The following TRPV1 variants were observed in gnomAD, a reference collection of about 807,000 sequenced individuals.
TRPV1 encodes transient receptor potential cation channel subfamily V member 1.
A neutral mutation model predicts 82.3 loss-of-function variants in TRPV1; 82 were observed. That is an observed-to-expected ratio of 1.00 (90% confidence interval 0.83 to 1.20). The LOEUF (loss-of-function observed/expected upper bound fraction) is 1.20. Among genes scored for constraint, TRPV1 ranks in the 50% most tolerant of loss-of-function variants. The pLI, the probability that TRPV1 is intolerant of heterozygous loss-of-function variation, is 0.00. For missense variants in TRPV1, 1,067 were observed against 1,096.8 expected (o/e 0.97, Z 0.38); for synonymous variants, 515 against 467.7 (o/e 1.10, Z -1.30).
chr17:3,583,450 T>C lies in TRPV1; in HGVS notation c.1384-20A>G, dbSNP rs889066037. 5.1e-6 allele frequency: 8 copies of C among 1,564,260 alleles called. No homozygotes were observed. The South Asian group carries it at 9.3e-5, about 18-fold the overall frequency. ...GGGAGGCTGTGAGATGCAGAGAAGT[T>C]GGTAACTCCATTTACTCATTCGTTC... On this transcript the variant is annotated intron_variant, in intron 9 of 16. Coordinates refer to ENST00000572705, the MANE Select transcript of TRPV1 (RefSeq NM_080704.4).
At chr17:3,581,687 C>T (rs2075013322) in intron 10 of TRPV1, among the ~76,000 whole-genome samples, 1 of 150,000 alleles carries the variant, frequency 6.7e-6, no homozygotes, top group South Asian at 2.1e-4. Context: ...GAGACCGAGA[C>T]CATCCTGGTT....
chr17:3,583,110 T>G (rs898737966), intron 10 of TRPV1, among the ~76,000 whole-genome samples: 1 of 151,666 alleles, frequency 6.6e-6, no homozygotes, highest in Admixed American at 6.6e-5. Context: ...GTGGCTGGAG[T>G]GTCTACTTTC....
chr17:3,583,328 G>C lies in TRPV1; in HGVS notation c.1476+10C>G, dbSNP rs200977307. The C allele has an allele frequency of 6.2e-7, 1 of 1,600,844 alleles. No individual in the cohort carries two copies. Among genetic ancestry groups the C allele is most frequent in the East Asian group, 2.2e-5 (1 of 44,548 alleles). On this transcript the variant is annotated intron_variant, in intron 10 of 16. Transcript: ENST00000572705. ...TAATGGAAACTCACAATGTGGGAAG[G>C]AACGCTTACCCCTCGGAAAAAGAAG...
chr17:3,590,491 G>A lies in TRPV1; in HGVS notation c.605-99C>T, dbSNP rs531584909. On this transcript the variant is annotated intron_variant, in intron 5 of 16. Coordinates refer to ENST00000572705, the MANE Select transcript of TRPV1 (RefSeq NM_080704.4). The stretch of plus-strand genomic sequence containing the variant: ...CTCTGGGCAGGCAGCAGCTGCTGCA[G>A]GAGGAACTGGGCAGAAAGTGCCTGG... The A allele has an allele frequency of 7.9e-6, 12 of 1,510,688 alleles. No individual in the cohort carries two copies. The South Asian group carries it at 1.1e-4, about 14-fold the overall frequency. The allele number at this position is 1,510,688 out of a possible 1,614,324, so 93.6% of individuals were successfully genotyped here.
At chr17:3,579,784 T>C (rs1313275094) in intron 11 of TRPV1, among the ~76,000 whole-genome samples, 1 of 152,190 alleles carries the variant, frequency 6.6e-6, no homozygotes, top group African/African-American at 2.4e-5. Flanking sequence ...CCATCCAAAC[T>C]GTTCTATAAC....
intron 16 of TRPV1, among the ~76,000 whole-genome samples, chr17:3,568,227 C>T (rs1381388210): frequency 1.3e-5 from 2 of 150,740 alleles, no homozygotes; most frequent in Admixed American, 1.3e-4. Flanking sequence ...GAGGCTGAAG[C>T]AGGAGAATGG....
At chr17:3,585,642 TC>T in intron 9 of TRPV1, 125 bp downstream of exon 9, 2 of 1,211,940 alleles carry the variant, frequency 1.7e-6, no homozygotes, top group Admixed American at 2.4e-5. Flanking sequence ...CATCCATCGC[TC>T]CCGCAAGCTG....
At chr17:3,606,771 G>A (rs1189494080) in intron 2 of TRPV1, among the ~76,000 whole-genome samples, 1 of 152,152 alleles carries the variant, frequency 6.6e-6, no homozygotes, top group African/African-American at 2.4e-5. Context: ...GAGGCAGAGT[G>A]AATGCATAGT....
intron 9 of TRPV1, chr17:3,585,556 C>T (rs2075073234): frequency 1.6e-5 from 9 of 575,264 alleles, no homozygotes; most frequent in Admixed American, 6.2e-5. Flanking sequence ...AACTGAGAAG[C>T]GGGAAGGGGG....
At position 3,585,825 on chromosome 17, in the gene TRPV1, G is replaced by C. The variant is rs1268289948; in HGVS notation, c.1326C>G (p.Tyr442Ter). ...TGGTGAAGATGATCATGTACAGGCAGTAGACCAGGAAGTTGAAGTAGAAGA... is the reference window on the plus strand; with the variant it reads ...TGGTGAAGATGATCATGTACAGGCACTAGACCAGGAAGTTGAAGTAGAAGA... ...KRIFYFNFLVYCLYMIIFTMA... is the reference protein window; with the variant it reads ...KRIFYFNFLV The change falls in exon 9 of 17, where the codon TAC becomes TAG. Residue 442 changes from tyrosine (Y) to a stop codon, truncating the protein, a stop_gained. Transcript: ENST00000572705. LOFTEE classifies it high-confidence loss of function. 1 of 1,613,930 alleles carries C rather than the reference G, an allele frequency of 6.2e-7. No homozygotes were observed. The highest frequency in any genetic ancestry group is 1.1e-5 in the South Asian group (1 of 91,052).
chr17:3,577,381 T>C (rs1339083374), intron 12 of TRPV1, among the ~76,000 whole-genome samples, 189 bp from the exon 13 acceptor site: 1 of 152,148 alleles, frequency 6.6e-6, no homozygotes, highest in Non-Finnish European at 1.5e-5. Context: ...GGTCGGGAGA[T>C]GGAGGCCTGG....
chr17:3,588,953 A>G, intron 7 of TRPV1: 1 of 1,535,592 alleles, frequency 6.5e-7, no homozygotes, highest in Non-Finnish European at 8.7e-7. Flanking sequence ...GCGGTGGTCC[A>G]TTCTCGATAA....
intron 7 of TRPV1, chr17:3,588,826 A>ACAAAAC: frequency 2.4e-6 from 3 of 1,276,006 alleles, no homozygotes; most frequent in Non-Finnish European, 3.2e-6. Flanking sequence ...AAAAAAAAAA[A>ACAAAAC]AAAACAAAAC....
intron 13 of TRPV1, 151 bp downstream of exon 13, chr17:3,576,975 C>A: frequency 4.2e-6 from 3 of 722,244 alleles, no homozygotes; most frequent in South Asian, 4.1e-5. Flanking sequence ...TCCTGGAGCT[C>A]ATTTCAGTGT....
Position 3,585,399 on chromosome 17 carries a change from C to T in TRPV1, c.1383+369G>A, listed in dbSNP as rs1444081149. The T allele has an allele frequency of 4.8e-5, 10 of 208,424 alleles. No individual in the cohort carries two copies. In the East Asian group the frequency reaches 1.1e-3, roughly 23 times the overall value. 12.9% of individuals were successfully genotyped at this position (208,424 alleles called of 1,614,324 possible). ...CTCCAGACCTCAGGTGATCTGCCCA[C>T]CTCAGCCTCCCAAAGTGCTGGGATT... On this transcript the variant is annotated intron_variant, in intron 9 of 16. Transcript: ENST00000572705.
At chr17:3,598,467 G>A (rs558544116) in intron 2 of TRPV1, among the ~76,000 whole-genome samples, 5 of 151,836 alleles carry the variant, frequency 3.3e-5, no homozygotes, top group Non-Finnish European at 5.9e-5. Flanking sequence ...TTAGACAACC[G>A]ATAATTAGAT....
chr17:3,576,560 G>A (rs1307963482), intron 13 of TRPV1, among the ~76,000 whole-genome samples: 1 of 149,522 alleles, frequency 6.7e-6, no homozygotes, highest in African/African-American at 2.5e-5. Flanking sequence ...GCTGAGGCAG[G>A]AGAATGGCGT....
intron 2 of TRPV1, among the ~76,000 whole-genome samples, chr17:3,604,603 C>CAAA (rs61400031): frequency 1.9e-4 from 22 of 116,678 alleles, no homozygotes; most frequent in African/African-American, 4.3e-4. Flanking sequence ...CAAAAAGTCT[C>CAAA]AAAAAAAAAA....
intron 10 of TRPV1, among the ~76,000 whole-genome samples, chr17:3,581,240 C>T (rs1181148872): frequency 5.3e-5 from 8 of 152,008 alleles, no homozygotes; most frequent in African/African-American, 1.9e-4. Flanking sequence ...GCTGGGATTA[C>T]AAGCGTGAGC....
Sources: gnomAD v4.1 joint callset for allele counts (sites outside exome capture counted in the v4.1 genomes callset) on GRCh38, gnomAD v4.1.1 for gene constraint, MANE v1.5 for transcripts, NCBI Gene and HGNC (gene_info 2026-07-23, HGNC 2026-07-21) for gene names.